The following MINDY4 variants were observed in gnomAD, a reference collection of about 807,000 sequenced individuals.
The protein encoded by MINDY4 is MINDY lysine 48 deubiquitinase 4, also known as probable ubiquitin carboxyl-terminal hydrolase MINDY-4.
Under a neutral mutation model 87.0 loss-of-function variants are expected in MINDY4, and 68 were observed. That is an observed-to-expected ratio of 0.78 (90% CI 0.64 to 0.96). MINDY4 has a LOEUF of 0.96. Ranked by LOEUF, MINDY4 falls within the 40% of genes least tolerant of loss-of-function variation. The pLI is 0.00. For missense variants in MINDY4, 919 were observed against 928.2 expected, an observed-to-expected ratio of 0.99 and a Z score of 0.13; for synonymous variants, 379 against 363.2, an observed-to-expected ratio of 1.04 and a Z score of -0.50.
At chr7:30,813,491 T>C (rs17159458) in intron 5 of MINDY4, among the ~76,000 whole-genome samples, 58,728 of 151,942 alleles carry the variant, frequency 0.39, 15,042 homozygotes, top group African/African-American at 0.72. Context: ...ACCTGCTGGG[T>C]TTTCCATTCA....
chr7:30,822,397 C>T (rs1788362395), intron 5 of MINDY4, among the ~76,000 whole-genome samples: 2 of 152,104 alleles, frequency 1.3e-5, no homozygotes, highest in South Asian at 4.1e-4. Flanking sequence ...CCTCAAACTC[C>T]TGGGCTCAAG....
intron 3 of MINDY4, among the ~76,000 whole-genome samples, chr7:30,783,269 T>C (rs1418162143): frequency 6.6e-6 from 1 of 152,078 alleles, no homozygotes; most frequent in Non-Finnish European, 1.5e-5. Flanking sequence ...AGCCTCTGCT[T>C]GTGTTGTTAC....
intron 5 of MINDY4, among the ~76,000 whole-genome samples, chr7:30,800,644 G>A (rs186637886): frequency 6.6e-6 from 1 of 152,312 alleles, no homozygotes; most frequent in East Asian, 1.9e-4. Flanking sequence ...AGGGCCCTGG[G>A]CTTGGAGAGG....
chr7:30,876,613 A>G (rs115936558), intron 15 of MINDY4, among the ~76,000 whole-genome samples: 1,840 of 152,290 alleles, frequency 0.012, 36 homozygotes, highest in African/African-American at 0.042. Context: ...GGGGCTGGGC[A>G]GAGGAGCACT....
At chr7:30,775,814 T>C (rs947132564) in intron 1 of MINDY4, among the ~76,000 whole-genome samples, 1 of 152,210 alleles carries the variant, frequency 6.6e-6, no homozygotes, top group Non-Finnish European at 1.5e-5. Context: ...CAAATATATA[T>C]TTATCATAAT....
intron 15 of MINDY4, among the ~76,000 whole-genome samples, chr7:30,881,054 A>G (rs911042547): frequency 1.3e-5 from 2 of 152,096 alleles, no homozygotes; most frequent in Non-Finnish European, 2.9e-5. Context: ...TCTTTAATCC[A>G]CAGGCTGTAG....
intron 5 of MINDY4, among the ~76,000 whole-genome samples, chr7:30,826,413 A>C (rs6969636): frequency 0.22 from 33,890 of 152,150 alleles, 4,760 homozygotes; most frequent in African/African-American, 0.39. Flanking sequence ...GCTGAGAAGA[A>C]GCTGATGTTC....
In MINDY4 at chr7:30,836,686, A is replaced by G. The variant is rs1239924910; in HGVS notation, c.1161A>G (p.Glu387=). ...LEDVEDELIR[E]EVILSPVPSV... ...ATGTGGAGGATGAGTTGATAAGGGA[A>G]GAGGTCATCCTGTCGCCAGTCCCAT... Residue 387 remains glutamate (E), a synonymous_variant, in exon 7 of 18, where the codon GAA becomes GAG. Transcript: ENST00000265299. 2 of 1,614,148 alleles carry G rather than the reference A, an allele frequency of 1.2e-6. No homozygotes were observed. The highest frequency in any genetic ancestry group is 1.7e-6 in the Non-Finnish European group (2 of 1,180,002).
Position 30,853,377 on chromosome 7 carries a change from T to A in MINDY4, c.1612-17T>A. ...TGGGGCTTGGGCCACTCATCCTGAG[T>A]GTTTGTGTCTTCTCAGCTTACGCTT... is the stretch of plus-strand genomic sequence containing the variant. On this transcript the variant is annotated splice_polypyrimidine_tract_variant and intron_variant, in intron 11 of 17. Transcript: ENST00000265299. The A allele has an allele frequency of 6.2e-7, 1 of 1,611,048 alleles. No homozygotes were observed. Among genetic ancestry groups the A allele is most frequent in the South Asian group, 1.1e-5 (1 of 90,390 alleles).
At chr7:30,778,350 C>A in intron 1 of MINDY4, 82 bp from the exon 2 acceptor site, 1 of 1,557,300 alleles carries the variant, frequency 6.4e-7, no homozygotes, top group Non-Finnish European at 8.8e-7. Flanking sequence ...TGGTGAACAT[C>A]AGGAATCGTT....
intron 5 of MINDY4, among the ~76,000 whole-genome samples, chr7:30,826,228 A>G (rs536485899): frequency 6.6e-6 from 1 of 152,268 alleles, no homozygotes; most frequent in South Asian, 2.1e-4. Context: ...TAGGATGTGG[A>G]TATAATTGAG....
At chr7:30,883,473 C>G (rs1313939401) in intron 17 of MINDY4, among the ~76,000 whole-genome samples, 1 of 152,174 alleles carries the variant, frequency 6.6e-6, no homozygotes. Flanking sequence ...CTCCGCCACT[C>G]TGAACACTGA....
chr7:30,856,837 GTCC>G (rs1789586144), intron 12 of MINDY4, among the ~76,000 whole-genome samples: 1 of 151,748 alleles, frequency 6.6e-6, no homozygotes, highest in South Asian at 2.1e-4. Context: ...GGTGACCCAA[GTCC>G]TCCTGAGCCT....
intron 3 of MINDY4, among the ~76,000 whole-genome samples, chr7:30,785,277 CA>C (rs1787126806): frequency 2.5e-5 from 1 of 39,544 alleles, no homozygotes; most frequent in Non-Finnish European, 5.7e-5. Context: ...CTGACACACA[CA>C]CACACACACA....
At chr7:30,805,699 C>T (rs1300340945) in intron 5 of MINDY4, among the ~76,000 whole-genome samples, 1 of 151,970 alleles carries the variant, frequency 6.6e-6, no homozygotes, top group African/African-American at 2.4e-5. Context: ...GCAAAGTGCT[C>T]CGGGGCAGAA....
At chr7:30,844,395 C>T (rs1252927575) in intron 9 of MINDY4, among the ~76,000 whole-genome samples, 1 of 152,136 alleles carries the variant, frequency 6.6e-6, no homozygotes, top group Non-Finnish European at 1.5e-5. Flanking sequence ...TGGTGATGGG[C>T]CCTGGGCAGC....
intron 17 of MINDY4, among the ~76,000 whole-genome samples, chr7:30,885,011 C>T (rs1260198929): frequency 6.6e-6 from 1 of 152,230 alleles, no homozygotes; most frequent in Non-Finnish European, 1.5e-5. Context: ...ATGATTTGGG[C>T]CAGGGCCCTG....
In MINDY4 at chr7:30,875,798, G is replaced by A. The variant is rs80062438; in HGVS notation, c.1971+142G>A. The A allele has an allele frequency of 3.0e-3, 2,738 of 901,094 alleles. 51 individuals are homozygous for A. In the African/African-American group the frequency reaches 0.041, roughly 14 times the overall value. The allele number at this position is 901,094 out of a possible 1,614,324, so 55.8% of individuals were successfully genotyped here. Reference sequence around the variant, plus strand: ...CCAGTTAGAATCACAGAGGGCTTGGGAAGAAGTACAGCTTCTCTGCTGTGG... The same window carrying A: ...CCAGTTAGAATCACAGAGGGCTTGGAAAGAAGTACAGCTTCTCTGCTGTGG... On this transcript the variant is annotated intron_variant, in intron 15 of 17. Coordinates refer to ENST00000265299, the MANE Select transcript of MINDY4 (RefSeq NM_032222.3).
At chr7:30,807,366 GC>G (rs1787845727) in intron 5 of MINDY4, among the ~76,000 whole-genome samples, 1 of 152,124 alleles carries the variant, frequency 6.6e-6, no homozygotes, top group African/African-American at 2.4e-5. Context: ...GTCTCCCTCT[GC>G]CCCTGCTCAG....
Sources: allele counts gnomAD v4.1 joint callset (sites outside exome capture counted in the v4.1 genomes callset), GRCh38; gene constraint gnomAD v4.1.1; transcripts MANE v1.5; gene names NCBI Gene and HGNC (gene_info 2026-07-23, HGNC 2026-07-21).